The following C10orf67 variants were observed in gnomAD, a reference collection of about 807,000 sequenced individuals.
The protein encoded by C10orf67 is uncharacterized protein C10orf67, mitochondrial.
C10orf67 carries 60 observed loss-of-function variants against 35.6 expected under a neutral mutation model. That is an observed-to-expected ratio of 1.68 (90% confidence interval 1.37 to 2.09). The LOEUF (loss-of-function observed/expected upper bound fraction) is 2.09, where lower values mean the gene tolerates loss of function less well. Ranked by LOEUF, C10orf67 falls within the 30% of genes most tolerant of loss-of-function variation. The pLI, the probability that C10orf67 is intolerant of heterozygous loss-of-function variation, is 0.00. For synonymous variants in C10orf67, 167 were observed against 115.8 expected, an observed-to-expected ratio of 1.44 and a Z score of -2.84; for missense variants, 474 against 330.2, an observed-to-expected ratio of 1.44 and a Z score of -3.38.
In C10orf67 at chr10:23,248,357, G is replaced by A. The variant is rs141295186; in HGVS notation, c.1346+2098C>T. On this transcript the variant is annotated intron_variant, in intron 12 of 15. Transcript: ENST00000636213. ...TGCGACAATGATGACATAGGCAGTC[G>A]CATCAGGCTTGGCACACCAAGAGGA... is the stretch of plus-strand genomic sequence containing the variant. Among the ~76,000 whole-genome samples the A allele has an allele frequency of 2.5e-4, 38 of 152,264 alleles. No homozygotes were observed. The East Asian group carries it at 5.8e-3, about 23-fold the overall frequency.
At chr10:23,273,378 T>C (rs1843085615) in intron 8 of C10orf67, among the ~76,000 whole-genome samples, 1 of 152,224 alleles carries the variant, frequency 6.6e-6, no homozygotes, top group Non-Finnish European at 1.5e-5. Context: ...GAGAGTATTT[T>C]TTATCATGAA....
intron 15 of C10orf67, among the ~76,000 whole-genome samples, chr10:23,218,151 ATTTG>A (rs1401103720): frequency 6.6e-6 from 1 of 151,970 alleles, no homozygotes; most frequent in Non-Finnish European, 1.5e-5. Flanking sequence ...CCAGGTTTTT[ATTTG>A]TTTGTGTTGA....
rs774017406 is a variant in C10orf67, at chr10:23,322,564, C to T, written c.328-27G>A. On this transcript the variant is annotated intron_variant, in intron 2 of 15. Transcript: ENST00000636213. ...TAAAAATGGAAAATATTATCCTTAGCGAAGTAACACAGGAACAGAAAACCA... is the reference window on the plus strand; with the variant it reads ...TAAAAATGGAAAATATTATCCTTAGTGAAGTAACACAGGAACAGAAAACCA... 5 of 1,489,164 alleles carry T rather than the reference C, an allele frequency of 3.4e-6. No homozygotes were observed. In the Admixed American group the frequency reaches 5.6e-5, roughly 17 times the overall value. 92.2% of individuals were successfully genotyped at this position (1,489,164 alleles called of 1,614,324 possible). A position where few individuals can be genotyped will look rare whatever the true frequency, so the allele number is the denominator to read the frequency against.
chr10:23,278,773 G>A (rs1273996146), intron 8 of C10orf67, among the ~76,000 whole-genome samples: 3 of 152,198 alleles, frequency 2.0e-5, no homozygotes, highest in African/African-American at 7.2e-5. Flanking sequence ...AGCACAGAAG[G>A]AACAGAACTC....
At chr10:23,311,809 T>A (rs1439488750) in intron 4 of C10orf67, among the ~76,000 whole-genome samples, 1 of 152,198 alleles carries the variant, frequency 6.6e-6, no homozygotes, top group African/African-American at 2.4e-5. Flanking sequence ...ATTTCAATTG[T>A]CTCATTAACT....
intron 1 of C10orf67, among the ~76,000 whole-genome samples, chr10:23,339,763 C>G (rs2132415901): frequency 6.6e-6 from 1 of 152,322 alleles, no homozygotes; most frequent in East Asian, 1.9e-4. Flanking sequence ...CTGCCTTTCA[C>G]TAGTTAAAAA....
chr10:23,267,313 TTTCTATAAAAC>T (rs1446253072), intron 8 of C10orf67, 59 bp from the exon 9 acceptor site: 3 of 657,986 alleles, frequency 4.6e-6, no homozygotes, highest in Non-Finnish European at 8.2e-6. Flanking sequence ...AAAAGACAAT[TTTCTATAAAAC>T]TTCTATAAGC....
chr10:23,259,422 TTGA>T (rs1376441563), intron 10 of C10orf67, among the ~76,000 whole-genome samples: 1 of 152,174 alleles, frequency 6.6e-6, no homozygotes, highest in Non-Finnish European at 1.5e-5. Flanking sequence ...GAAGACTAGA[TTGA>T]GTTAGGTTGA....
chr10:23,280,310 C>T (rs1361998918), intron 8 of C10orf67, among the ~76,000 whole-genome samples: 2 of 152,172 alleles, frequency 1.3e-5, no homozygotes, highest in African/African-American at 2.4e-5. Flanking sequence ...TTTTACAAAA[C>T]GACTGTGGTC....
intron 10 of C10orf67, among the ~76,000 whole-genome samples, chr10:23,264,261 A>G (rs762858398): frequency 6.6e-6 from 1 of 152,228 alleles, no homozygotes; most frequent in African/African-American, 2.4e-5. Flanking sequence ...TTAGAACAAT[A>G]GGATATTACA....
chr10:23,322,269 C>T (rs1564512172), intron 3 of C10orf67, 125 bp downstream of exon 3: 3 of 968,398 alleles, frequency 3.1e-6, no homozygotes, highest in East Asian at 2.5e-5. Context: ...TATTAATTAC[C>T]ACATGAGACA....
At chr10:23,253,663 T>TA (rs959741033) in intron 10 of C10orf67, among the ~76,000 whole-genome samples, 53 of 151,766 alleles carry the variant, frequency 3.5e-4, no homozygotes, top group Middle Eastern at 3.4e-3. Flanking sequence ...AATGCTTATT[T>TA]AAAAAAAAAC....
In C10orf67 at chr10:23,204,304, T is replaced by C. The variant is rs898020550; in HGVS notation, c.1571-49A>G. 9 of 530,360 alleles carry C rather than the reference T, an allele frequency of 1.7e-5. No homozygotes were observed. The East Asian group carries it at 3.0e-4, about 18-fold the overall frequency. The allele number at this position is 530,360 out of a possible 1,614,324, so 32.9% of individuals were successfully genotyped here. On this transcript the variant is annotated intron_variant, in intron 15 of 15. Transcript: ENST00000636213. ...GACATAAACTTTGTTTTACTTATCA[T>C]ACACAGACCACTTCCCACTCTTCCC...
Position 23,280,044 on chromosome 10 carries a change from G to A in C10orf67, c.975+1969C>T, listed in dbSNP as rs954664725. On this transcript the variant is annotated intron_variant, in intron 8 of 15. Coordinates refer to ENST00000636213, the MANE Select transcript of C10orf67 (RefSeq NM_001371909.1). ...AATCTTTTTTATTTTATATAAAAAC[G>A]GGGCCTCACTATGTTGCTCAGGCAG... is the stretch of plus-strand genomic sequence containing the variant. 7.9e-5 allele frequency among the ~76,000 whole-genome samples: 12 copies of A among 151,806 alleles called. No individual in the cohort carries two copies. The South Asian group carries it at 1.0e-3, about 13-fold the overall frequency.
intron 13 of C10orf67, among the ~76,000 whole-genome samples, chr10:23,230,627 A>G (rs1841882438): frequency 1.3e-5 from 2 of 152,224 alleles, no homozygotes; most frequent in Non-Finnish European, 1.5e-5. Flanking sequence ...GAAATAAACC[A>G]ATAGAATCAA....
chr10:23,308,779 G>A (rs1244895412), intron 4 of C10orf67, among the ~76,000 whole-genome samples: 2 of 152,090 alleles, frequency 1.3e-5, no homozygotes, highest in Non-Finnish European at 2.9e-5. Flanking sequence ...CCTGAATTGT[G>A]AGAATTAAAT....
intron 10 of C10orf67, among the ~76,000 whole-genome samples, chr10:23,254,451 C>T (rs761050790): frequency 1.3e-5 from 2 of 152,132 alleles, no homozygotes; most frequent in Non-Finnish European, 2.9e-5. Context: ...CTCAGGTGAT[C>T]CACCCACCTT....
chr10:23,283,268 A>G (rs1020912033), intron 7 of C10orf67, among the ~76,000 whole-genome samples: 5 of 152,146 alleles, frequency 3.3e-5, no homozygotes, highest in Admixed American at 1.3e-4. Flanking sequence ...TTCCCTTGTG[A>G]CTTGCCTTTG....
At chr10:23,217,196 G>A (rs1463956218) in intron 15 of C10orf67, among the ~76,000 whole-genome samples, 6 of 152,098 alleles carry the variant, frequency 3.9e-5, no homozygotes, top group Non-Finnish European at 5.9e-5. Flanking sequence ...GAACAAGCCA[G>A]GAATGTGATA....
Sources: allele counts gnomAD v4.1 joint callset (sites outside exome capture counted in the v4.1 genomes callset), GRCh38; gene constraint gnomAD v4.1.1; transcripts MANE v1.5; gene names NCBI Gene and HGNC (gene_info 2026-07-23, HGNC 2026-07-21).